The following TIPIN variants were observed in gnomAD, a reference collection of about 807,000 sequenced individuals.
The protein encoded by TIPIN is TIMELESS-interacting protein.
Under a neutral mutation model 35.6 loss-of-function variants are expected in TIPIN, and 29 were observed. The ratio of observed to expected loss-of-function variants is 0.82; its 90% CI spans 0.61 to 1.11. The LOEUF is 1.11. Ranked by LOEUF, TIPIN falls within the 50% of genes most tolerant of loss-of-function variation. The pLI is 0.00. For missense variants in TIPIN, 296 were observed against 345.4 expected (o/e 0.86, Z 1.13); for synonymous variants, 102 against 121.5 (o/e 0.84, Z 1.06).
In TIPIN at chr15:66,336,872, A is replaced by C; in HGVS notation, c.*86T>G. ...TCTATAACAGTTTTACTATCTAAGG[A>C]TTTTCACTCCAAGAAGAAAAAATAC... is the stretch of plus-strand genomic sequence containing the variant. On this transcript the variant is annotated 3_prime_UTR_variant, in exon 8 of 8. Coordinates refer to ENST00000261881, the MANE Select transcript of TIPIN (RefSeq NM_017858.3). 1 of 1,139,188 alleles carries C rather than the reference A, an allele frequency of 8.8e-7. No individual in the cohort carries two copies. The allele number at this position is 1,139,188 out of a possible 1,614,324, so 70.6% of individuals were successfully genotyped here.
At chr15:66,344,808 G>A (rs1011004011) in intron 6 of TIPIN, among the ~76,000 whole-genome samples, 2 of 152,160 alleles carry the variant, frequency 1.3e-5, no homozygotes, top group African/African-American at 4.8e-5. Flanking sequence ...GGTCGAGGCT[G>A]CAGAGCTATG....
At chr15:66,341,024 T>A in intron 7 of TIPIN, 126 bp downstream of exon 7, 1 of 792,180 alleles carries the variant, frequency 1.3e-6, no homozygotes, top group South Asian at 1.7e-5. Flanking sequence ...AAAATATACA[T>A]AAACTTAATA....
At chr15:66,377,968 C>A (rs1202406218) in intron 1 of TIPIN, among the ~76,000 whole-genome samples, 1 of 152,096 alleles carries the variant, frequency 6.6e-6, no homozygotes, top group Non-Finnish European at 1.5e-5. Flanking sequence ...GCCTCAGTCT[C>A]CCAAGTAGCT....
chr15:66,344,885 A>G (rs2093113699), intron 6 of TIPIN, among the ~76,000 whole-genome samples: 1 of 152,140 alleles, frequency 6.6e-6, no homozygotes, highest in South Asian at 2.1e-4. Flanking sequence ...ATAAGTAAAT[A>G]AAAATGAAAT....
At chr15:66,377,107 C>CAAAAA (rs36061431) in intron 1 of TIPIN, among the ~76,000 whole-genome samples, 2 of 105,458 alleles carry the variant, frequency 1.9e-5, no homozygotes. Flanking sequence ...GACTCCCTCT[C>CAAAAA]AAAAAAAAAA....
intron 6 of TIPIN, among the ~76,000 whole-genome samples, chr15:66,344,357 G>A (rs1172307028): frequency 1.3e-5 from 2 of 151,740 alleles, no homozygotes; most frequent in African/African-American, 2.4e-5. Context: ...TGAGGCAGAA[G>A]GATTGCTTGA....
rs1013288102 is a variant in TIPIN at position 66,367,297 on chromosome 15, A to C, written c.-8-14342T>G. ...AGATATATATCTGTTGATGTTTTTG[A>C]AGAAAATAAATTAGTACATCTATGT... On this transcript the variant is annotated intron_variant, in intron 1 of 7. Transcript: ENST00000562124. Among the ~76,000 whole-genome samples, 37 of 150,642 alleles carry C rather than the reference A, an allele frequency of 2.5e-4. 1 individual carries two copies. The highest frequency in any genetic ancestry group is 1.3e-4 in the Admixed American group (2 of 15,070).
intron 1 of TIPIN, among the ~76,000 whole-genome samples, chr15:66,372,844 A>G (rs1178479755): frequency 6.6e-6 from 1 of 152,024 alleles, no homozygotes; most frequent in Non-Finnish European, 1.5e-5. Flanking sequence ...CGGAGGTTGC[A>G]GTGAGCTGAG....
chr15:66,364,796 G>T (rs1394507777), intron 1 of TIPIN, among the ~76,000 whole-genome samples: 1 of 151,466 alleles, frequency 6.6e-6, no homozygotes, highest in Non-Finnish European at 1.5e-5. Context: ...GTGAAACCTC[G>T]TCTCTACTAA....
chr15:66,371,039 C>T (rs1389346907), intron 1 of TIPIN, among the ~76,000 whole-genome samples: 10 of 151,958 alleles, frequency 6.6e-5, no homozygotes, highest in Admixed American at 3.3e-4. Flanking sequence ...GGTGAAACCT[C>T]GTCTCTACTA....
At chr15:66,341,405 A>G (rs532325154) in intron 6 of TIPIN, 49 bp from the exon 7 acceptor site, 1 of 1,510,578 alleles carries the variant, frequency 6.6e-7, no homozygotes, top group East Asian at 2.4e-5. Flanking sequence ...CTAGTTAGAG[A>G]AGGGCTTCTC....
intron 1 of TIPIN, among the ~76,000 whole-genome samples, chr15:66,354,003 G>T (rs2093187121): frequency 6.6e-6 from 1 of 152,072 alleles, no homozygotes; most frequent in Non-Finnish European, 1.5e-5. Context: ...CGCACCTGTA[G>T]TCCCAGCTAC....
At chr15:66,337,301 A>T (rs937556694) in intron 7 of TIPIN, 120 bp from the exon 8 acceptor site, 2 of 632,520 alleles carry the variant, frequency 3.2e-6, no homozygotes, top group African/African-American at 3.6e-5. Context: ...CTTAATGTTA[A>T]TTATGATCAC....
intron 1 of TIPIN, among the ~76,000 whole-genome samples, chr15:66,374,644 G>A (rs752387280): frequency 5.3e-5 from 8 of 152,066 alleles, no homozygotes; most frequent in Non-Finnish European, 7.4e-5. Flanking sequence ...CAATGGTGCC[G>A]TCTCGGATCA....
At position 66,351,694 on chromosome 15, in the gene TIPIN, G is replaced by A. The variant is rs2093169192; in HGVS notation, c.213-94C>T. ...ACTCTGTCGCCCAGGCTGGGATGCG[G>A]TGGCGCGATCTCGGGTCACTGCAAG... On this transcript the variant is annotated intron_variant, in intron 3 of 7. Transcript: ENST00000261881. The A allele has an allele frequency of 1.2e-5, 13 of 1,059,966 alleles. No homozygotes were observed. The South Asian group carries it at 1.9e-4, about 16-fold the overall frequency. 65.7% of individuals were successfully genotyped at this position (1,059,966 alleles called of 1,614,324 possible).
chr15:66,366,658 T>A (rs2093255821), intron 1 of TIPIN, among the ~76,000 whole-genome samples: 1 of 148,974 alleles, frequency 6.7e-6, no homozygotes, highest in Non-Finnish European at 1.5e-5. Flanking sequence ...TCCCAGCTCC[T>A]TGGGAGGCCG....
Position 66,337,186 on chromosome 15 carries a change from A to G in TIPIN, c.683-5T>C. The G allele has an allele frequency of 6.2e-7, 1 of 1,609,330 alleles. No individual in the cohort carries two copies. Among genetic ancestry groups the G allele is most frequent in the Non-Finnish European group, 8.5e-7 (1 of 1,176,708 alleles). ...TGGGTGTATTCATTAACATATCTGA[A>G]AGAAATCATACCATTATTATTCATT... On this transcript the variant is annotated splice_region_variant and splice_polypyrimidine_tract_variant and intron_variant, in intron 7 of 7. Coordinates refer to ENST00000261881, the MANE Select transcript of TIPIN (RefSeq NM_017858.3).
At chr15:66,378,074 C>T (rs2093304206) in intron 1 of TIPIN, among the ~76,000 whole-genome samples, 1 of 152,000 alleles carries the variant, frequency 6.6e-6, no homozygotes, top group Admixed American at 6.6e-5. Context: ...GGTGTGATAG[C>T]TCACCACAAC....
chr15:66,337,479 AC>A (rs1432295704), intron 7 of TIPIN, among the ~76,000 whole-genome samples: 2 of 151,426 alleles, frequency 1.3e-5, no homozygotes, highest in Non-Finnish European at 2.9e-5. Context: ...CCGCCACTAC[AC>A]CCGGCTAATT....
Sources: gnomAD v4.1 joint callset for allele counts (sites outside exome capture counted in the v4.1 genomes callset) on GRCh38, gnomAD v4.1.1 for gene constraint, MANE v1.5 for transcripts, NCBI Gene and HGNC (gene_info 2026-07-23, HGNC 2026-07-21) for gene names.